Variants in EMC10 observed in about 807,000 individuals in gnomAD.
EMC10 encodes the protein UPF0510 protein INM02.
EMC10 carries 40 observed loss-of-function variants against 32.2 expected under a neutral mutation model. The observed-to-expected ratio is 1.24, with a 90% confidence interval of 0.96 to 1.61. The LOEUF is 1.61. Ranked by LOEUF, EMC10 falls within the 40% of genes most tolerant of loss-of-function variation. The pLI is 0.00. For missense variants in EMC10, 402 were observed against 357.7 expected, an observed-to-expected ratio of 1.12 and a Z score of -1.00; for synonymous variants, 178 against 158.4, an observed-to-expected ratio of 1.12 and a Z score of -0.93.
rs1351338038 is a variant in EMC10 at position 50,485,150 on chromosome 19, G to T, written c.*2891G>T. The stretch of plus-strand genomic sequence containing the variant: ...ACTGCAGGAGTCCCCCTGTTCTGCT[G>T]CATCATTTTGCACACATATGTGTCT... On this transcript the variant is annotated 3_prime_UTR_variant, in exon 7 of 7. Coordinates refer to ENST00000334976, the MANE Select transcript of EMC10 (RefSeq NM_206538.4). 6.6e-6 allele frequency: 1 copy of T among 152,170 alleles called. No individual in the cohort carries two copies. Among genetic ancestry groups the T allele is most frequent in the Non-Finnish European group, 1.5e-5 (1 of 68,042 alleles). 9.4% of individuals were successfully genotyped at this position (152,170 alleles called of 1,614,324 possible). A position where few individuals can be genotyped will look rare whatever the true frequency, so the allele number is the denominator to read the frequency against.
intron 6 of EMC10, chr19:50,481,636 G>T (rs1178552652): frequency 3.6e-6 from 2 of 553,600 alleles, no homozygotes; most frequent in Non-Finnish European, 6.3e-6. Context: ...AGGATGCTGA[G>T]GCTGGGATGG....
Position 50,483,062 on chromosome 19 carries a change from C to G in EMC10, c.*803C>G. The G allele has an allele frequency of 1.9e-6, 1 of 525,982 alleles. No homozygotes were observed. Among genetic ancestry groups the G allele is most frequent in the Non-Finnish European group, 3.7e-6 (1 of 273,258 alleles). 32.6% of individuals were successfully genotyped at this position (525,982 alleles called of 1,614,324 possible). A position where few individuals can be genotyped will look rare whatever the true frequency, so the allele number is the denominator to read the frequency against. On this transcript the variant is annotated 3_prime_UTR_variant, in exon 7 of 7. Coordinates refer to ENST00000334976, the MANE Select transcript of EMC10 (RefSeq NM_206538.4). ...GCATCCTACCTGGACTGCGGTGCTA[C>G]GAGGGCCTGCGGGCCTTTGCTGTGT...
intron 2 of EMC10, among the ~76,000 whole-genome samples, chr19:50,478,579 C>A (rs1381807331): frequency 6.6e-6 from 1 of 152,166 alleles, no homozygotes; most frequent in African/African-American, 2.4e-5. Flanking sequence ...CAAACCCTGG[C>A]ATCTGCTCAG....
rs1394359092 is a variant in EMC10, at chr19:50,480,424, C to T, written c.403-157C>T. 3.3e-5 allele frequency among the ~76,000 whole-genome samples: 5 copies of T among 152,012 alleles called. No individual in the cohort carries two copies. The highest frequency in any genetic ancestry group is 7.2e-5 in the African/African-American group (3 of 41,382). On this transcript the variant is annotated intron_variant, in intron 4 of 6. Coordinates refer to ENST00000334976, the MANE Select transcript of EMC10 (RefSeq NM_206538.4). The surrounding 1 kb of genome is among the most constrained non-coding windows in gnomAD (Gnocchi z 4.4). The stretch of plus-strand genomic sequence containing the variant: ...ATGGGGATAGCATTGTGAGGACTCC[C>T]GGGTGGGGGGCGGTTGAACTTGGGC...
At position 50,486,974 on chromosome 19, in the gene EMC10, A is replaced by G. The variant is rs1222727092; in HGVS notation, c.*4715A>G. On this transcript the variant is annotated 3_prime_UTR_variant, in exon 7 of 7. Coordinates refer to ENST00000334976, the MANE Select transcript of EMC10 (RefSeq NM_206538.4). ...GTTGAGATCATTCTCGGTGTCTCAT[A>G]TAGCTGGGTTGCAGCTCCGTTCTTT... The G allele has an allele frequency of 6.6e-6, 1 of 152,008 alleles. No individual in the cohort carries two copies. Among genetic ancestry groups the G allele is most frequent in the Non-Finnish European group, 1.5e-5 (1 of 68,008 alleles). The allele number at this position is 152,008 out of a possible 1,614,324, so 9.4% of individuals were successfully genotyped here. A position where few individuals can be genotyped will look rare whatever the true frequency, so the allele number is the denominator to read the frequency against.
chr19:50,478,923 G>A (rs1178868367), intron 2 of EMC10, 34 bp from the exon 3 acceptor site: 2 of 1,529,242 alleles, frequency 1.3e-6, no homozygotes, highest in South Asian at 2.4e-5. Flanking sequence ...GGTGGGCGGG[G>A]GAGGGGGCGT....
intron 6 of EMC10, chr19:50,481,274 C>T (rs761700349): frequency 3.3e-5 from 12 of 364,222 alleles, no homozygotes; most frequent in Non-Finnish European, 5.9e-5. Flanking sequence ...TTCAAAGGAA[C>T]CAGGGAGGCT....
chr19:50,479,055 G>A lies in EMC10; in HGVS notation c.286G>A (p.Gly96Ser). 6.2e-7 allele frequency: 1 copy of A among 1,604,396 alleles called. No individual in the cohort carries two copies. Among genetic ancestry groups the A allele is most frequent in the South Asian group, 1.1e-5 (1 of 89,462 alleles). Residue 96 changes from glycine (G) to serine (S), a missense_variant, in exon 3 of 7, where the codon GGC becomes AGC. Transcript: ENST00000334976. ...SQRQLSEEER[G>S]RLRDVAALNG... ...GCGGCAGCTCAGCGAGGAGGAGCGG[G>A]GCCGACTCCGGGTGAGGTGGGGCCC...
rs1455760667 is a variant in EMC10, at chr19:50,488,416, G to A, written c.*6157G>A. ...GGAAAGAGAAGAAAAAACAGAAGAGGAAAGAAAGACGAGGGGGTGAAAAAA... is the reference window on the plus strand; with the variant it reads ...GGAAAGAGAAGAAAAAACAGAAGAGAAAAGAAAGACGAGGGGGTGAAAAAA... On this transcript the variant is annotated 3_prime_UTR_variant, in exon 7 of 7. Transcript: ENST00000334976. 4.7e-5 allele frequency: 7 copies of A among 150,298 alleles called. No individual in the cohort carries two copies. The highest frequency in any genetic ancestry group is 1.7e-4 in the African/African-American group (7 of 40,878). 9.3% of individuals were successfully genotyped at this position (150,298 alleles called of 1,614,324 possible).
chr19:50,480,048 C>T lies in EMC10; in HGVS notation c.298-63C>T. 4 of 1,357,744 alleles carry T rather than the reference C, an allele frequency of 2.9e-6. No individual in the cohort carries two copies. The highest frequency in any genetic ancestry group is 4.1e-6 in the Non-Finnish European group (4 of 982,144). The allele number at this position is 1,357,744 out of a possible 1,614,324, so 84.1% of individuals were successfully genotyped here. On this transcript the variant is annotated intron_variant, in intron 3 of 6. Transcript: ENST00000334976. This position sits in a 1 kb window ranked among gnomAD's most constrained non-coding sequence, Gnocchi z 4.4. ...GGGGCCTTCGCGGAGGCCTGGTGGG[C>T]ATCACAGCCTGTCCAGGGCTGACAC...
rs1158906636 is a variant in EMC10 at position 50,489,547 on chromosome 19, G to C, written c.*7288G>C. On this transcript the variant is annotated 3_prime_UTR_variant, in exon 7 of 7. Coordinates refer to ENST00000334976, the MANE Select transcript of EMC10 (RefSeq NM_206538.4). ...CGGGTAGCTGGGCGGCGGGGGTGTC[G>C]TGGGCACAGCCCAGGCTACTGCGGG... 1 of 152,630 alleles carries C rather than the reference G, an allele frequency of 6.6e-6. No individual in the cohort carries two copies. The highest frequency in any genetic ancestry group is 1.5e-5 in the Non-Finnish European group (1 of 68,364). The allele number at this position is 152,630 out of a possible 1,614,324, so 9.5% of individuals were successfully genotyped here. A position where few individuals can be genotyped will look rare whatever the true frequency, so the allele number is the denominator to read the frequency against.
chr19:50,476,882 C>T, intron 1 of EMC10: 3 of 431,022 alleles, frequency 7.0e-6, no homozygotes, highest in Non-Finnish European at 1.2e-5. Flanking sequence ...TCGGAAGGCT[C>T]TGGCTCGGGA....
chr19:50,489,188 A>C lies in EMC10; in HGVS notation c.*6929A>C, dbSNP rs912389728. Reference sequence around the variant, plus strand: ...AAAAATACAAAAAAGGGCAGAGAGAAAAGAACAGGCCGGGCATGGTGCCTC... The same window carrying C: ...AAAAATACAAAAAAGGGCAGAGAGACAAGAACAGGCCGGGCATGGTGCCTC... On this transcript the variant is annotated 3_prime_UTR_variant, in exon 7 of 7. Transcript: ENST00000334976. 1 of 152,454 alleles carries C rather than the reference A, an allele frequency of 6.6e-6. No homozygotes were observed. The highest frequency in any genetic ancestry group is 6.5e-5 in the Admixed American group (1 of 15,276). The allele number at this position is 152,454 out of a possible 1,614,324, so 9.4% of individuals were successfully genotyped here. A position where few individuals can be genotyped will look rare whatever the true frequency, so the allele number is the denominator to read the frequency against.
chr19:50,477,881 C>G lies in EMC10; in HGVS notation c.115-48C>G, dbSNP rs1213970198. On this transcript the variant is annotated intron_variant, in intron 1 of 6. Transcript: ENST00000334976. ...CTGGGTTCTGTGGGTGACTACTATG[C>G]TGAGGGCTTGGGTGGTCCTCACCTG... 4.6e-6 allele frequency: 7 copies of G among 1,515,282 alleles called. No individual in the cohort carries two copies. The South Asian group carries it at 8.4e-5, about 18-fold the overall frequency. The allele number at this position is 1,515,282 out of a possible 1,614,324, so 93.9% of individuals were successfully genotyped here.
At position 50,476,580 on chromosome 19, in the gene EMC10, C is replaced by A; in HGVS notation, c.36C>A (p.Leu12=). Residue 12 remains leucine, a synonymous_variant, in exon 1 of 7, where the codon CTC becomes CTA. Coordinates refer to ENST00000334976, the MANE Select transcript of EMC10 (RefSeq NM_206538.4). ...AAASAGATRL[L]LLLLMAVAAP... The stretch of plus-strand genomic sequence containing the variant: ...CCAGCGCTGGGGCAACCCGGCTGCT[C>A]CTGCTCTTGCTGATGGCGGTAGCAG... 1 of 1,575,796 alleles carries A rather than the reference C, an allele frequency of 6.3e-7. No homozygotes were observed. Among genetic ancestry groups the A allele is most frequent in the Non-Finnish European group, 8.6e-7 (1 of 1,166,422 alleles).
Position 50,486,850 on chromosome 19 carries a change from A to G in EMC10, c.*4591A>G, listed in dbSNP as rs1458940929. The G allele has an allele frequency of 4.6e-5, 7 of 152,190 alleles. No individual in the cohort carries two copies. The East Asian group carries it at 1.4e-3, about 29-fold the overall frequency. 9.4% of individuals were successfully genotyped at this position (152,190 alleles called of 1,614,324 possible). ...GTTTGTATATTGATTAGGAGTAAAA[A>G]TGTTCATTTTTACAAAATATTACAA... On this transcript the variant is annotated 3_prime_UTR_variant, in exon 7 of 7. Transcript: ENST00000334976.
rs14031 is a variant in EMC10 at position 50,482,817 on chromosome 19, G to A, written c.*558G>A. ...ATGAAAGAGTCGGGGCTGGATGGCC[G>A]GGGGCTTCTGGGCCCGACGCCTAGT... On this transcript the variant is annotated 3_prime_UTR_variant, in exon 7 of 7. Transcript: ENST00000334976. 352,747 of 520,004 alleles carry A rather than the reference G, an allele frequency of 0.68. 121,737 individuals are homozygous for A. Among genetic ancestry groups the A allele is most frequent in the African/African-American group, 0.91 (46,536 of 51,328 alleles). 32.2% of individuals were successfully genotyped at this position (520,004 alleles called of 1,614,324 possible).
intron 1 of EMC10, chr19:50,476,950 C>T (rs770650741): frequency 3.4e-4 from 110 of 319,720 alleles, no homozygotes; most frequent in Middle Eastern, 8.0e-4. Context: ...GACGTCCGGG[C>T]GGTTGAAATG....
rs887951817 is a variant in EMC10, at chr19:50,484,975, A to G, written c.*2716A>G. Reference sequence around the variant, plus strand: ...AGATACTCTCCACAGAAACAAGCAGATGCACATGTCAACAGTTTTGCAAGT... The same window carrying G: ...AGATACTCTCCACAGAAACAAGCAGGTGCACATGTCAACAGTTTTGCAAGT... On this transcript the variant is annotated 3_prime_UTR_variant, in exon 7 of 7. Coordinates refer to ENST00000334976, the MANE Select transcript of EMC10 (RefSeq NM_206538.4). 6.6e-6 allele frequency: 1 copy of G among 152,174 alleles called. No individual in the cohort carries two copies. Among genetic ancestry groups the G allele is most frequent in the African/African-American group, 2.4e-5 (1 of 41,424 alleles). 9.4% of individuals were successfully genotyped at this position (152,174 alleles called of 1,614,324 possible). A position where few individuals can be genotyped will look rare whatever the true frequency, so the allele number is the denominator to read the frequency against.
Sources: gnomAD v4.1 joint callset for allele counts (sites outside exome capture counted in the v4.1 genomes callset) on GRCh38, gnomAD v4.1.1 for gene constraint, Gnocchi (gnomAD v3.1) non-coding constraint, MANE v1.5 for transcripts, NCBI Gene and HGNC (gene_info 2026-07-23, HGNC 2026-07-21) for gene names.